SDK2: variants seen among roughly 807,000 people sequenced by gnomAD.
The protein encoded by SDK2 is sidekick cell adhesion molecule 2.
A neutral mutation model predicts 253.9 loss-of-function variants in SDK2; 105 were observed. That is an observed-to-expected ratio of 0.41 (90% CI 0.35 to 0.49). The LOEUF is 0.49. Ranked by LOEUF, SDK2 falls within the 20% of genes least tolerant of loss-of-function variation. SDK2 has a pLI of 0.06. For missense variants in SDK2, 2,608 were observed against 3,003.0 expected (o/e 0.87, Z 3.07); for synonymous variants, 1,249 against 1,234.9 (o/e 1.01, Z -0.24).
At chr17:73,569,174 C>T (rs1487387231) in intron 1 of SDK2, among the ~76,000 whole-genome samples, 1 of 151,792 alleles carries the variant, frequency 6.6e-6, no homozygotes, top group Non-Finnish European at 1.5e-5. Context: ...AGTTCCAAAG[C>T]CCATGTTCTT....
At chr17:73,559,873 C>G (rs11654655) in intron 1 of SDK2, among the ~76,000 whole-genome samples, 42,491 of 152,182 alleles carry the variant, frequency 0.28, 6,194 homozygotes, top group East Asian at 0.48. Flanking sequence ...AGTCCCTGGC[C>G]TGATCCCCCC....
Position 73,368,488 on chromosome 17 carries a change from A to G in SDK2, c.5086T>C (p.Tyr1696His). Residue 1696 changes from tyrosine to histidine, a missense_variant, in exon 37 of 45, where the codon TAC (tyrosine) becomes CAC (histidine). By Grantham distance (83) the Tyr-to-His change is moderately conservative. Coordinates refer to ENST00000392650, the MANE Select transcript of SDK2 (RefSeq NM_001144952.2). ...KLKNLTGYTA[Y>H]MVSVAAFNAA... ...TTGAAGGCGGCCACGCTGACCATGTAGGCCGTGTAGCCAGTCAAGTTCTTG... is the reference window on the plus strand; with the variant it reads ...TTGAAGGCGGCCACGCTGACCATGTGGGCCGTGTAGCCAGTCAAGTTCTTG... 1 of 1,610,618 alleles carries G rather than the reference A, an allele frequency of 6.2e-7. No homozygotes were observed. The highest frequency in any genetic ancestry group is 8.5e-7 in the Non-Finnish European group (1 of 1,178,668).
rs1464515362 is a variant in SDK2 at position 73,644,429 on chromosome 17, C to T, written c.-341G>A. ...GGCCTCTGCGATCCGGCCGGGTCGC[C>T]GGCCGAGCTCCGGAATAAATGGACA... On this transcript the variant is annotated 5_prime_UTR_variant, in exon 1 of 45. Transcript: ENST00000392650. This position sits in a 1 kb window ranked among gnomAD's most constrained non-coding sequence, Gnocchi z 6.3. 6.6e-6 allele frequency among the ~76,000 whole-genome samples: 1 copy of T among 152,060 alleles called. No individual in the cohort carries two copies. The highest frequency in any genetic ancestry group is 2.0e-4 in the East Asian group (1 of 5,106).
chr17:73,414,107 C>T (rs1272802263), intron 18 of SDK2, among the ~76,000 whole-genome samples: 1 of 150,090 alleles, frequency 6.7e-6, no homozygotes, highest in Admixed American at 6.7e-5. Flanking sequence ...AGTGCAATGG[C>T]TGCAATCTCG....
At chr17:73,469,992 G>GCGCACGCA (rs1328450219) in intron 3 of SDK2, among the ~76,000 whole-genome samples, 1 of 126,264 alleles carries the variant, frequency 7.9e-6, no homozygotes, top group East Asian at 2.6e-4. Flanking sequence ...GCGCGCGCGC[G>GCGCACGCA]CACACACACA....
At chr17:73,628,691 G>A (rs539317798) in intron 1 of SDK2, among the ~76,000 whole-genome samples, 1 of 152,340 alleles carries the variant, frequency 6.6e-6, no homozygotes. Flanking sequence ...GGAAGTGGCC[G>A]TCTGTGCTGC....
In SDK2 at chr17:73,431,578, G is replaced by A. The variant is rs201337697; in HGVS notation, c.1404C>T (p.Ser468=). The change falls in exon 11 of 45, where the codon TCC becomes TCT. Residue 468 remains serine (S), a synonymous_variant. Transcript: ENST00000392650. The surrounding 1 kb of genome is among the most constrained non-coding windows in gnomAD (Gnocchi z 5.6). ...GSLLISPTHI[S]DAGTYTCLAT... The stretch of plus-strand genomic sequence containing the variant: ...CCAGGCAGGTGTAGGTCCCCGCATC[G>A]GAGATGTGTGTGGGGCTGATGAGGA... The A allele has an allele frequency of 2.0e-5, 33 of 1,613,564 alleles. No individual in the cohort carries two copies. Among genetic ancestry groups the A allele is most frequent in the Admixed American group, 2.0e-4 (12 of 60,000 alleles).
chr17:73,577,750 C>A (rs182938510), intron 1 of SDK2, among the ~76,000 whole-genome samples: 26 of 152,300 alleles, frequency 1.7e-4, no homozygotes, highest in African/African-American at 5.5e-4. Context: ...TGTAAAATAG[C>A]AATGATGATT....
chr17:73,445,077 T>A (rs554173924), intron 5 of SDK2, among the ~76,000 whole-genome samples: 4 of 152,254 alleles, frequency 2.6e-5, no homozygotes, highest in Admixed American at 6.5e-5. Context: ...TTTTCAGCTA[T>A]AAATTTTGTG....
chr17:73,608,496 G>A (rs1420272305), intron 1 of SDK2, among the ~76,000 whole-genome samples: 1 of 152,146 alleles, frequency 6.6e-6, no homozygotes, highest in Non-Finnish European at 1.5e-5. Flanking sequence ...AGGCTGGAGT[G>A]CAATGGCGCG....
rs543994477 is a variant in SDK2 at position 73,400,939 on chromosome 17, C to T, written c.2971+81G>A. On this transcript the variant is annotated intron_variant, in intron 21 of 44. Transcript: ENST00000392650. ...CTGGGACTACAGGCATGAGCCACCA[C>T]GCCCAGCCGACAAGGGGCCTCTTGA... 3.7e-5 allele frequency: 51 copies of T among 1,372,042 alleles called. 1 individual carries two copies. The highest frequency in any genetic ancestry group is 2.6e-4 in the Middle Eastern group (1 of 3,878). 85.0% of individuals were successfully genotyped at this position (1,372,042 alleles called of 1,614,324 possible).
intron 1 of SDK2, among the ~76,000 whole-genome samples, chr17:73,592,521 C>T (rs1282925974): frequency 2.0e-5 from 3 of 152,334 alleles, no homozygotes; most frequent in East Asian, 3.9e-4. Context: ...CCGGCAGCAC[C>T]TCCAGCCATC....
chr17:73,599,500 A>T (rs962235718), intron 1 of SDK2, among the ~76,000 whole-genome samples: 4 of 151,684 alleles, frequency 2.6e-5, no homozygotes, highest in African/African-American at 9.7e-5. Flanking sequence ...GCGGCACTGC[A>T]CTCCAGCCTG....
chr17:73,398,283 T>C, intron 23 of SDK2, 37 bp downstream of exon 23: 1 of 1,567,004 alleles, frequency 6.4e-7, no homozygotes. Context: ...CCCCCAGCCC[T>C]GAGGCTGCTG....
chr17:73,394,128 G>A (rs1037447831), intron 26 of SDK2, 81 bp downstream of exon 26: 1 of 811,922 alleles, frequency 1.2e-6, no homozygotes, highest in Non-Finnish European at 1.8e-6. Context: ...GACCTAGAGG[G>A]TGATAAGGAC....
chr17:73,380,300 A>G (rs2062819911), intron 34 of SDK2, among the ~76,000 whole-genome samples: 1 of 152,126 alleles, frequency 6.6e-6, no homozygotes, highest in African/African-American at 2.4e-5. Context: ...AAGAGAATTT[A>G]GCCTTAAACT....
At position 73,431,743 on chromosome 17, in the gene SDK2, G is replaced by A; in HGVS notation, c.1313-74C>T. 7.0e-7 allele frequency: 1 copy of A among 1,427,946 alleles called. No homozygotes were observed. The highest frequency in any genetic ancestry group is 2.6e-5 in the Admixed American group (1 of 39,192). 88.5% of individuals were successfully genotyped at this position (1,427,946 alleles called of 1,614,324 possible). A position where few individuals can be genotyped will look rare whatever the true frequency, so the allele number is the denominator to read the frequency against. ...CCCTGCCCTTCCCTGGCCGCTCCAG[G>A]GCAGCATGGTCCCCCCACAGGCCCC... is the stretch of plus-strand genomic sequence containing the variant. On this transcript the variant is annotated intron_variant, in intron 10 of 44. Transcript: ENST00000392650. This position sits in a 1 kb window ranked among gnomAD's most constrained non-coding sequence, Gnocchi z 5.6.
At chr17:73,401,914 G>C (rs774959685) in intron 19 of SDK2, 32 bp downstream of exon 19, 3 of 1,513,202 alleles carry the variant, frequency 2.0e-6, no homozygotes, top group Non-Finnish European at 2.7e-6. Flanking sequence ...GGGCGGGGGG[G>C]GGCAGAAAGA....
intron 1 of SDK2, among the ~76,000 whole-genome samples, chr17:73,586,674 G>A (rs985761647): frequency 6.6e-6 from 1 of 152,170 alleles, no homozygotes; most frequent in East Asian, 1.9e-4. Flanking sequence ...TGGTCGACCA[G>A]CTGGGTTGAC....
Sources: gnomAD v4.1 joint callset for allele counts (sites outside exome capture counted in the v4.1 genomes callset) on GRCh38, gnomAD v4.1.1 for gene constraint, Gnocchi (gnomAD v3.1) non-coding constraint, MANE v1.5 for transcripts, NCBI Gene and HGNC (gene_info 2026-07-23, HGNC 2026-07-21) for gene names.